ZNF823: variants seen among roughly 807,000 people sequenced by gnomAD.
ZNF823 encodes ZFP 36 for a zinc finger protein.
Under a neutral mutation model 11.4 loss-of-function variants are expected in ZNF823, and 5 were observed. That is an observed-to-expected ratio of 0.44 (90% CI 0.23 to 0.92). ZNF823 has a LOEUF of 0.92. Among genes scored for constraint, ZNF823 ranks in the 40% least tolerant of loss-of-function variants. The pLI, the probability that ZNF823 is intolerant of heterozygous loss-of-function variation, is 0.24. For synonymous variants in ZNF823, 234 were observed against 250.5 expected, an observed-to-expected ratio of 0.93 and a Z score of 0.62; for missense variants, 582 against 738.5, an observed-to-expected ratio of 0.79 and a Z score of 2.46.
At chr19:11,734,423 G>T (rs1974956612) in intron 1 of ZNF823, among the ~76,000 whole-genome samples, 1 of 152,100 alleles carries the variant, frequency 6.6e-6, no homozygotes, top group Admixed American at 6.6e-5. Flanking sequence ...CCTCAGAAAT[G>T]ATTAGCTGAA....
In ZNF823 at chr19:11,722,455, T is replaced by A. The variant is rs756141328; in HGVS notation, c.1079A>T (p.Tyr360Phe). 2 of 1,614,240 alleles carry A rather than the reference T, an allele frequency of 1.2e-6. No individual in the cohort carries two copies. The highest frequency in any genetic ancestry group is 3.3e-5 in the Admixed American group (2 of 60,026). Residue 360 changes from tyrosine to phenylalanine, a missense_variant, in exon 4 of 4, where the codon TAT (tyrosine) becomes TTT (phenylalanine). By Grantham distance (22) the Tyr-to-Phe change is conservative. Transcript: ENST00000341191. This position sits in a 1 kb window ranked among gnomAD's most constrained non-coding sequence, Gnocchi z 5.2. ...CACTTTCCCACACTGCTTACATTCATAGGGTTTCTCTCCAGTGTGAGTAGT... is the reference window on the plus strand; with the variant it reads ...CACTTTCCCACACTGCTTACATTCAAAGGGTTTCTCTCCAGTGTGAGTAGT... ...HETTHTGEKP[Y>F]ECKQCGKVLS...
chr19:11,722,533 C>T lies in ZNF823; in HGVS notation c.1001G>A (p.Cys334Tyr). Residue 334 changes from cysteine (C) to tyrosine (Y), a missense_variant, in exon 4 of 4, where the codon TGT becomes TAT. Cys to Tyr is a radical substitution (Grantham distance 194). Around this residue, in one of 3 missense-constraint regions of ZNF823, gnomAD observed 429 missense variants for 553.7 expected, o/e 0.77. Coordinates refer to ENST00000341191, the MANE Select transcript of ZNF823 (RefSeq NM_001080493.4). The surrounding 1 kb of genome is among the most constrained non-coding windows in gnomAD (Gnocchi z 5.2). ...ATCAAAGCCTTTCCCACATATCTTA[C>T]ATTTATGTGGTCCGTCTCCAGTGTG... is the stretch of plus-strand genomic sequence containing the variant. ...IRHTGDGPHKCKICGKGFDCP... is the reference protein window; with the variant it reads ...IRHTGDGPHKYKICGKGFDCP... 1 of 1,614,194 alleles carries T rather than the reference C, an allele frequency of 6.2e-7. No individual in the cohort carries two copies. The highest frequency in any genetic ancestry group is 8.5e-7 in the Non-Finnish European group (1 of 1,180,020).
At chr19:11,729,744 C>T (rs1452935636) in intron 1 of ZNF823, among the ~76,000 whole-genome samples, 1 of 152,100 alleles carries the variant, frequency 6.6e-6, no homozygotes, top group African/African-American at 2.4e-5. Flanking sequence ...GACAATGGGC[C>T]ATAAGGTGTC....
intron 2 of ZNF823, 77 bp downstream of exon 2, chr19:11,725,124 T>A: frequency 6.5e-7 from 1 of 1,548,266 alleles, no homozygotes; most frequent in South Asian, 1.2e-5. Flanking sequence ...TTTCCATATT[T>A]CAAATCATGA....
chr19:11,736,065 C>T (rs6511745), intron 1 of ZNF823, among the ~76,000 whole-genome samples: 75 of 150,638 alleles, frequency 5.0e-4, no homozygotes, highest in African/African-American at 1.8e-3. Flanking sequence ...ACAAAGGAGA[C>T]GAACTAACAT....
rs60028045 is a variant in ZNF823, at chr19:11,727,892, C to CTTT, written c.4-2568_4-2566dup. Reference sequence around the variant, plus strand: ...GAAACAGGCTCTCTTTTCTTTCTTTCTTTTTTTTTTTTGAGACGGGAGTCT... The same window carrying CTTT: ...GAAACAGGCTCTCTTTTCTTTCTTTCTTTTTTTTTTTTTTTGAGACGGGAGTCT... On this transcript the variant is annotated intron_variant, in intron 1 of 3. Transcript: ENST00000341191. Among the ~76,000 whole-genome samples the CTTT allele has an allele frequency of 2.9e-3, 426 of 145,914 alleles. 1 individual carries two copies. The highest frequency in any genetic ancestry group is 9.7e-3 in the African/African-American group (390 of 40,002).
Position 11,722,396 on chromosome 19 carries a change from TCATGTGA to T in ZNF823, c.1131_1137del (p.Ser377ArgfsTer2). 6.2e-7 allele frequency: 1 copy of T among 1,614,038 alleles called. No homozygotes were observed. Among genetic ancestry groups the T allele is most frequent in the African/African-American group, 1.3e-5 (1 of 74,998 alleles). ...TGGGGTCCATCTCCTGTGTGTGTTA[TCATGTGA>T]CTTCGAAAGCTCGAGCTATGAGATA... is the stretch of plus-strand genomic sequence containing the variant. On this transcript the variant is annotated frameshift_variant, in exon 4 of 4. Transcript: ENST00000341191. LOFTEE classifies it low-confidence loss of function (END_TRUNC). This position sits in a 1 kb window ranked among gnomAD's most constrained non-coding sequence, Gnocchi z 5.2.
chr19:11,723,063 G>A lies in ZNF823; in HGVS notation c.471C>T (p.Pro157=). ...HQHSFQTHER[P]PTGKKPFDCK... is the part of the protein sequence containing the mutation. Reference sequence around the variant, plus strand: ...AATCGAAGGGTTTCTTTCCGGTGGGGGGCCTTTCATGTGTCTGGAAGGAGT... The same window carrying A: ...AATCGAAGGGTTTCTTTCCGGTGGGAGGCCTTTCATGTGTCTGGAAGGAGT... The change falls in exon 4 of 4, where the codon CCC becomes CCT. Residue 157 remains proline, a synonymous_variant. Coordinates refer to ENST00000341191, the MANE Select transcript of ZNF823 (RefSeq NM_001080493.4). The A allele has an allele frequency of 6.2e-7, 1 of 1,614,110 alleles. No homozygotes were observed. Among genetic ancestry groups the A allele is most frequent in the Non-Finnish European group, 8.5e-7 (1 of 1,180,012 alleles).
intron 1 of ZNF823, among the ~76,000 whole-genome samples, chr19:11,727,488 G>A (rs1974812808): frequency 6.6e-6 from 1 of 151,990 alleles, no homozygotes; most frequent in African/African-American, 2.4e-5. Context: ...CCAGCCTGGA[G>A]ACAGAGTGAG....
At position 11,723,202 on chromosome 19, in the gene ZNF823, G is replaced by T. The variant is rs779226697; in HGVS notation, c.332C>A (p.Ser111Ter). 6.2e-6 allele frequency: 10 copies of T among 1,614,026 alleles called. No individual in the cohort carries two copies. The highest frequency in any genetic ancestry group is 8.5e-6 in the Non-Finnish European group (10 of 1,180,036). Residue 111 changes from serine to a stop codon, truncating the protein, a stop_gained, in exon 4 of 4, where the codon TCG becomes TAG. Coordinates refer to ENST00000341191, the MANE Select transcript of ZNF823 (RefSeq NM_001080493.4). LOFTEE classifies it low-confidence loss of function (END_TRUNC). ...GECGEVVLGH[S>*]SLNCNIRVDT... ...AACTCTGATGTTGCAATTAAGAGACGAATGACCCAAGACGACTTCTCCACA... is the reference window on the plus strand; with the variant it reads ...AACTCTGATGTTGCAATTAAGAGACTAATGACCCAAGACGACTTCTCCACA...
chr19:11,723,972 C>G (rs1197223536), intron 3 of ZNF823, among the ~76,000 whole-genome samples: 1 of 152,092 alleles, frequency 6.6e-6, no homozygotes, highest in Non-Finnish European at 1.5e-5. Context: ...ACTATGTTGC[C>G]CAGGCTGATC....
Position 11,722,213 on chromosome 19 carries a change from C to A in ZNF823, c.1321G>T (p.Val441Leu). Residue 441 changes from valine (V) to leucine (L), a missense_variant, in exon 4 of 4, where the codon GTG becomes TTG. Val to Leu is a conservative substitution (Grantham distance 32). Around this residue, in one of 3 missense-constraint regions of ZNF823, gnomAD observed 429 missense variants for 553.7 expected, o/e 0.77. Coordinates refer to ENST00000341191, the MANE Select transcript of ZNF823 (RefSeq NM_001080493.4). This position sits in a 1 kb window ranked among gnomAD's most constrained non-coding sequence, Gnocchi z 5.2. ...CCACACTGACATTTATAGGGTTTCA[C>A]TCCAGTGTGAGTTGCTTCATGTCTT... is the stretch of plus-strand genomic sequence containing the variant. The part of the protein sequence containing the change: ...LRRHEATHTG[V>L]KPYKCQCGKA... 6.2e-7 allele frequency: 1 copy of A among 1,614,116 alleles called. No homozygotes were observed. Among genetic ancestry groups the A allele is most frequent in the Non-Finnish European group, 8.5e-7 (1 of 1,180,026 alleles).
At chr19:11,733,252 A>C (rs935256289) in intron 1 of ZNF823, among the ~76,000 whole-genome samples, 4 of 151,826 alleles carry the variant, frequency 2.6e-5, no homozygotes, top group African/African-American at 9.7e-5. Flanking sequence ...CTGTAGTCCC[A>C]GCTACTCAGG....
chr19:11,728,944 G>A (rs28641684), intron 1 of ZNF823, among the ~76,000 whole-genome samples: 38 of 152,022 alleles, frequency 2.5e-4, no homozygotes, highest in African/African-American at 7.0e-4. Flanking sequence ...ATGCTGAGGC[G>A]GGCACATTGC....
intron 1 of ZNF823, 61 bp from the exon 2 acceptor site, chr19:11,725,388 C>T: frequency 6.2e-7 from 1 of 1,601,264 alleles, no homozygotes; most frequent in Non-Finnish European, 8.5e-7. Context: ...AGAATCCATA[C>T]TCACTGCATA....
At chr19:11,726,073 C>CAAAAA (rs4052622) in intron 1 of ZNF823, 1 of 84,680 alleles carries the variant, frequency 1.2e-5, no homozygotes, top group Non-Finnish European at 2.5e-5. Context: ...ATAAAAAATA[C>CAAAAA]AAAAAAAAAA....
rs913939271 is a variant in ZNF823, at chr19:11,738,946, G to C, written c.-127C>G. On this transcript the variant is annotated 5_prime_UTR_variant, in exon 1 of 4. Transcript: ENST00000341191. ...CCAGAGCCAGGACTCAGAGCGCAGG[G>C]GCGTGGAGAAGACTCCGCGGGCTCT... is the stretch of plus-strand genomic sequence containing the variant. The C allele has an allele frequency of 2.4e-6, 3 of 1,263,664 alleles. No homozygotes were observed. Among genetic ancestry groups the C allele is most frequent in the Non-Finnish European group, 3.2e-6 (3 of 936,796 alleles). The allele number at this position is 1,263,664 out of a possible 1,614,324, so 78.3% of individuals were successfully genotyped here.
At chr19:11,727,753 T>C (rs999023450) in intron 1 of ZNF823, among the ~76,000 whole-genome samples, 1 of 152,224 alleles carries the variant, frequency 6.6e-6, no homozygotes, top group African/African-American at 2.4e-5. Flanking sequence ...GAGCCCGTCT[T>C]GAAGACAGCA....
At chr19:11,725,439 G>A (rs1352892578) in intron 1 of ZNF823, 112 bp from the exon 2 acceptor site, 4 of 1,468,440 alleles carry the variant, frequency 2.7e-6, no homozygotes, top group Non-Finnish European at 3.7e-6. Context: ...TTTATTCGAT[G>A]ACATAGTAAA....
Sources: gnomAD v4.1 joint callset for allele counts (sites outside exome capture counted in the v4.1 genomes callset) on GRCh38, gnomAD v4.1.1 for gene constraint, gnomAD v4.1.1 regional missense constraint, Gnocchi (gnomAD v3.1) non-coding constraint, MANE v1.5 for transcripts, NCBI Gene and HGNC (gene_info 2026-07-23, HGNC 2026-07-21) for gene names.